Variants in GRM7 observed in about 807,000 individuals in gnomAD.
GRM7 encodes glutamate metabotropic receptor 7, also known as metabotropic glutamate receptor 7.
In GRM7, 35 loss-of-function variants were observed where a neutral mutation model predicts 84.5. That is an observed-to-expected ratio of 0.41 (90% confidence interval 0.32 to 0.55). GRM7 has a LOEUF of 0.55. Among genes scored for constraint, GRM7 ranks in the 20% least tolerant of loss-of-function variants. The pLI is 0.19. For missense variants in GRM7, 1,003 were observed against 1,194.6 expected (o/e 0.84, Z 2.36); for synonymous variants, 487 against 455.1 (o/e 1.07, Z -0.89).
At chr3:7,056,725 T>C (rs1325139571) in intron 1 of GRM7, among the ~76,000 whole-genome samples, 1 of 151,962 alleles carries the variant, frequency 6.6e-6, no homozygotes, top group Non-Finnish European at 1.5e-5. Flanking sequence ...CCTATATTTA[T>C]TATACCATCC....
At chr3:7,116,545 T>C (rs989681595) in intron 1 of GRM7, among the ~76,000 whole-genome samples, 1 of 152,116 alleles carries the variant, frequency 6.6e-6, no homozygotes, top group East Asian at 1.9e-4. Context: ...ATTTAAAAAG[T>C]GTACTGTTAT....
chr3:7,471,990 G>A (rs1323157410), intron 7 of GRM7, among the ~76,000 whole-genome samples: 1 of 152,160 alleles, frequency 6.6e-6, no homozygotes, highest in Non-Finnish European at 1.5e-5. Flanking sequence ...TTGAGTCATG[G>A]GTGCAAACCC....
intron 7 of GRM7, among the ~76,000 whole-genome samples, chr3:7,542,956 A>T (rs776639166): frequency 4.6e-5 from 7 of 152,122 alleles, no homozygotes; most frequent in African/African-American, 7.2e-5. Context: ...CATACCCTCA[A>T]ACATAAACTC....
intron 1 of GRM7, among the ~76,000 whole-genome samples, chr3:7,035,573 A>G (rs1214851489): frequency 1.3e-5 from 2 of 152,246 alleles, no homozygotes; most frequent in Admixed American, 6.5e-5. Flanking sequence ...TAATTTAAAG[A>G]GATATCAGAC....
chr3:7,008,968 T>G (rs1695277201), intron 1 of GRM7, among the ~76,000 whole-genome samples: 2 of 152,198 alleles, frequency 1.3e-5, no homozygotes, highest in Admixed American at 6.5e-5. Flanking sequence ...TATGTGAGGC[T>G]CAGATGAAAT....
chr3:7,506,654 C>T (rs112354108), intron 7 of GRM7, among the ~76,000 whole-genome samples: 13,600 of 152,234 alleles, frequency 0.089, 755 homozygotes, highest in South Asian at 0.12. Context: ...GTACCTCATA[C>T]GGGCCTTCTT....
At chr3:7,312,929 T>A (rs1385760747) in intron 4 of GRM7, among the ~76,000 whole-genome samples, 3 of 115,406 alleles carry the variant, frequency 2.6e-5, no homozygotes, top group African/African-American at 4.6e-5. Flanking sequence ...CTTTTTTTTC[T>A]TTTTTTCTTT....
At chr3:6,941,867 A>G (rs1028098762) in intron 1 of GRM7, among the ~76,000 whole-genome samples, 1 of 152,178 alleles carries the variant, frequency 6.6e-6, no homozygotes, top group Non-Finnish European at 1.5e-5. Flanking sequence ...AGGCCCTGTC[A>G]GTCTTGTGTG....
chr3:7,251,044 T>C (rs1269725863), intron 2 of GRM7, among the ~76,000 whole-genome samples: 1 of 152,150 alleles, frequency 6.6e-6, no homozygotes, highest in Non-Finnish European at 1.5e-5. Flanking sequence ...AGGTGGAAGA[T>C]TCTAACAGTG....
At chr3:7,260,552 C>T (rs1468554967) in intron 2 of GRM7, among the ~76,000 whole-genome samples, 1 of 152,044 alleles carries the variant, frequency 6.6e-6, no homozygotes, top group Non-Finnish European at 1.5e-5. Flanking sequence ...GTAACGTCCC[C>T]TTTGTTATTT....
chr3:6,864,371 T>C (rs968048450), intron 1 of GRM7, among the ~76,000 whole-genome samples: 1 of 152,194 alleles, frequency 6.6e-6, no homozygotes, highest in Non-Finnish European at 1.5e-5. Context: ...GTAGCCCTTT[T>C]TGCGTGTGAT....
chr3:7,407,548 T>C (rs1695735593), intron 4 of GRM7, among the ~76,000 whole-genome samples: 1 of 152,226 alleles, frequency 6.6e-6, no homozygotes, highest in African/African-American at 2.4e-5. Context: ...TGTTGGTTTA[T>C]CCTTCATACT....
At chr3:7,349,438 A>G (rs1693035519) in intron 4 of GRM7, among the ~76,000 whole-genome samples, 1 of 152,102 alleles carries the variant, frequency 6.6e-6, no homozygotes, top group South Asian at 2.1e-4. Context: ...TCTGATTTGG[A>G]ATTTGTCTTC....
intron 4 of GRM7, among the ~76,000 whole-genome samples, chr3:7,391,045 C>A (rs1038485397): frequency 6.8e-6 from 1 of 147,416 alleles, no homozygotes; most frequent in African/African-American, 2.5e-5. Flanking sequence ...ATTTTTTTTT[C>A]TTTTTTTTTC....
At chr3:7,475,175 C>T (rs537825272) in intron 7 of GRM7, among the ~76,000 whole-genome samples, 108 of 152,274 alleles carry the variant, frequency 7.1e-4, no homozygotes, top group African/African-American at 2.5e-3. Context: ...AAGAAGTCTA[C>T]GTTTCTCATC....
rs1702684413 is a variant in GRM7, at chr3:7,741,122, A to T, written c.*716A>T. 2 of 152,548 alleles carry T rather than the reference A, an allele frequency of 1.3e-5. No homozygotes were observed. The highest frequency in any genetic ancestry group is 4.1e-4 in the South Asian group (2 of 4,830). The allele number at this position is 152,548 out of a possible 1,614,324, so 9.4% of individuals were successfully genotyped here. ...TAAAAGGAAGGTATTGGCTGAACTG[A>T]ATAGAGGTCTTGATCTTTGGAATGC... is the stretch of plus-strand genomic sequence containing the variant. On this transcript the variant is annotated 3_prime_UTR_variant, in exon 10 of 10. Transcript: ENST00000357716.
At chr3:6,946,571 A>C (rs1698090132) in intron 1 of GRM7, among the ~76,000 whole-genome samples, 1 of 152,122 alleles carries the variant, frequency 6.6e-6, no homozygotes, top group African/African-American at 2.4e-5. Context: ...ATGAACTTTA[A>C]AGTAGTTTTT....
chr3:7,486,220 C>T lies in GRM7; in HGVS notation c.1515+24498C>T, dbSNP rs142775023. Among the ~76,000 whole-genome samples the T allele has an allele frequency of 1.0e-3, 157 of 152,068 alleles. 1 individual carries two copies. Among genetic ancestry groups the T allele is most frequent in the African/African-American group, 3.7e-3 (155 of 41,506 alleles). On this transcript the variant is annotated intron_variant, in intron 7 of 9. Transcript: ENST00000357716. This position sits in a 1 kb window ranked among gnomAD's most constrained non-coding sequence, Gnocchi z 5.5. ...ATGAGTTTTCATAATTTTTTGGTTC[C>T]TTCTATTTCCCCTTGTTTTATTTGT... is the stretch of plus-strand genomic sequence containing the variant.
chr3:6,861,255 G>A lies in GRM7; in HGVS notation c.-134G>A, dbSNP rs752689748. ...CACCCTCTCTGGTCGCCCCTCCCCG[G>A]ATTCCCCCACCCTCCGTGCCTGCAG... On this transcript the variant is annotated 5_prime_UTR_variant, in exon 1 of 10. Coordinates refer to ENST00000357716, the MANE Select transcript of GRM7 (RefSeq NM_000844.4). The surrounding 1 kb of genome is among the most constrained non-coding windows in gnomAD (Gnocchi z 6.4). 2 of 718,746 alleles carry A rather than the reference G, an allele frequency of 2.8e-6. No homozygotes were observed. Among genetic ancestry groups the A allele is most frequent in the Non-Finnish European group, 4.0e-6 (2 of 494,292 alleles). 44.5% of individuals were successfully genotyped at this position (718,746 alleles called of 1,614,324 possible).
Sources: allele counts gnomAD v4.1 joint callset (sites outside exome capture counted in the v4.1 genomes callset), GRCh38; gene constraint gnomAD v4.1.1; non-coding constraint Gnocchi (gnomAD v3.1); transcripts MANE v1.5; gene names NCBI Gene and HGNC (gene_info 2026-07-23, HGNC 2026-07-21).